Variants in CGNL1 observed in about 807,000 individuals in gnomAD.
The protein encoded by CGNL1 is cingulin like 1, also known as cingulin-like protein 1.
CGNL1 carries 132 observed loss-of-function variants against 141.2 expected under a neutral mutation model. The ratio of observed to expected loss-of-function variants is 0.93; its 90% CI spans 0.81 to 1.08. The LOEUF (loss-of-function observed/expected upper bound fraction) is 1.08, where lower values mean the gene tolerates loss of function less well. CGNL1 is among the 50% of genes least tolerant of loss of function. The pLI, the probability that CGNL1 is intolerant of heterozygous loss-of-function variation, is 0.00. For missense variants in CGNL1, 1,870 were observed against 1,588.6 expected, an observed-to-expected ratio of 1.18 and a Z score of -3.01; for synonymous variants, 690 against 622.1, an observed-to-expected ratio of 1.11 and a Z score of -1.63.
At position 57,547,398 on chromosome 15, in the gene CGNL1, G is replaced by T; in HGVS notation, c.3817G>T (p.Asp1273Tyr). Residue 1273 changes from aspartate (D) to tyrosine (Y), a missense_variant, in exon 19 of 19, where the codon GAC becomes TAC. Transcript: ENST00000281282. ...TAAAGTGCTGGATGACATGGATGAC[G>T]ACGATGACCTCAGCACGGATGGGGG... The part of the protein sequence containing the change: ...PSKVLDDMDD[D>Y]DDLSTDGGSL... 3 of 1,614,202 alleles carry T rather than the reference G, an allele frequency of 1.9e-6. No homozygotes were observed. Among genetic ancestry groups the T allele is most frequent in the Non-Finnish European group, 2.5e-6 (3 of 1,180,006 alleles).
intron 14 of CGNL1, among the ~76,000 whole-genome samples, chr15:57,542,685 T>C (rs2032630953): frequency 1.3e-5 from 2 of 152,220 alleles, no homozygotes; most frequent in South Asian, 4.1e-4. Context: ...AAGCCGCTTC[T>C]GGAGTTTGAG....
At chr15:57,507,980 A>G (rs1237902147) in intron 8 of CGNL1, among the ~76,000 whole-genome samples, 1 of 152,226 alleles carries the variant, frequency 6.6e-6, no homozygotes, top group African/African-American at 2.4e-5. Context: ...GTCATCATAC[A>G]TGAATTGTTA....
intron 3 of CGNL1, 137 bp from the exon 4 acceptor site, chr15:57,442,236 G>A (rs1693077341): frequency 3.3e-6 from 1 of 301,678 alleles, no homozygotes; most frequent in Non-Finnish European, 6.2e-6. Context: ...CACTGATTTT[G>A]TCTGAGGCTT....
chr15:57,506,152 C>T (rs576299421), intron 8 of CGNL1, among the ~76,000 whole-genome samples: 5 of 152,316 alleles, frequency 3.3e-5, no homozygotes, highest in Admixed American at 6.5e-5. Flanking sequence ...TCTGTGACAG[C>T]GACTCTAACT....
At chr15:57,384,253 G>T (rs1433946043) in intron 1 of CGNL1, among the ~76,000 whole-genome samples, 33 of 152,134 alleles carry the variant, frequency 2.2e-4, no homozygotes. Context: ...AAGAGGGAGA[G>T]AGTTGCCAGA....
chr15:57,475,740 C>G (rs1221198226), intron 8 of CGNL1, among the ~76,000 whole-genome samples: 1 of 152,124 alleles, frequency 6.6e-6, no homozygotes, highest in Non-Finnish European at 1.5e-5. Context: ...GTCCTGTGCT[C>G]TCTCACTGGA....
At chr15:57,379,641 G>A (rs1002387128) in intron 1 of CGNL1, among the ~76,000 whole-genome samples, 3 of 151,992 alleles carry the variant, frequency 2.0e-5, no homozygotes, top group East Asian at 1.9e-4. Context: ...TTCTGATCTC[G>A]GCACTAAAGG....
chr15:57,517,316 G>T (rs1254676533), intron 9 of CGNL1, among the ~76,000 whole-genome samples: 1 of 152,156 alleles, frequency 6.6e-6, no homozygotes, highest in Admixed American at 6.5e-5. Context: ...CCATTAGACC[G>T]ATTCTCACTC....
chr15:57,514,383 C>T (rs1216668455), intron 8 of CGNL1, among the ~76,000 whole-genome samples: 2 of 152,162 alleles, frequency 1.3e-5, no homozygotes, highest in Non-Finnish European at 2.9e-5. Flanking sequence ...AACTTCTGAC[C>T]ACAAGTGATC....
intron 1 of CGNL1, among the ~76,000 whole-genome samples, chr15:57,408,409 G>T (rs1392191936): frequency 6.6e-6 from 1 of 152,122 alleles, no homozygotes; most frequent in African/African-American, 2.4e-5. Context: ...CTGCCCAGGT[G>T]AGCCTTTTGG....
chr15:57,516,758 A>C, intron 8 of CGNL1, 22 bp from the exon 9 acceptor site: 3 of 1,611,824 alleles, frequency 1.9e-6, no homozygotes, highest in Non-Finnish European at 2.5e-6. Flanking sequence ...CTCCTTGTTC[A>C]TTTGCTTTGT....
Position 57,439,512 on chromosome 15 carries a change from A to G in CGNL1, c.1513A>G (p.Met505Val). The G allele has an allele frequency of 6.2e-7, 1 of 1,614,238 alleles. No homozygotes were observed. The highest frequency in any genetic ancestry group is 8.5e-7 in the Non-Finnish European group (1 of 1,180,032). The stretch of plus-strand genomic sequence containing the variant: ...GGTGAAAACAGCCACCGCTACGCTG[A>G]TGTTACAGAACCGGGCAACAGCAAC... The part of the protein sequence containing the change: ...EEVKTATATL[M>V]LQNRATATSP... The change falls in exon 2 of 19, where the codon ATG (methionine) becomes GTG (valine). Residue 505 changes from methionine to valine, a missense_variant. By Grantham distance (21) the Met-to-Val change is conservative (BLOSUM62 1). Transcript: ENST00000281282.
chr15:57,501,528 C>T (rs1197489259), intron 8 of CGNL1, among the ~76,000 whole-genome samples: 1 of 152,186 alleles, frequency 6.6e-6, no homozygotes, highest in Non-Finnish European at 1.5e-5. Context: ...TCCAGTTCCC[C>T]AGGCATAGCC....
chr15:57,542,244 G>A (rs1252296781), intron 14 of CGNL1, among the ~76,000 whole-genome samples: 2 of 152,230 alleles, frequency 1.3e-5, no homozygotes, highest in African/African-American at 4.8e-5. Flanking sequence ...GCCTGTGTCA[G>A]ATGCTCTCCA....
intron 8 of CGNL1, among the ~76,000 whole-genome samples, chr15:57,483,291 T>G (rs1285711805): frequency 2.6e-5 from 4 of 152,236 alleles, no homozygotes; most frequent in Non-Finnish European, 1.5e-5. Flanking sequence ...TGTGCTAAAC[T>G]TATACCTAAG....
rs748369364 is a variant in CGNL1 at position 57,452,212 on chromosome 15, C to T, written c.1977C>T (p.Asn659=). ...ANLEELRSQH[N]EKVEENSTLQ... ...TAGAAGAGCTCCGAAGCCAACACAA[C>T]GAAAAGGTGGAGGAGAACTCCACAT... Residue 659 remains asparagine, a synonymous_variant, in exon 6 of 19, where the codon AAC becomes AAT. Transcript: ENST00000281282. 9.9e-6 allele frequency: 16 copies of T among 1,613,714 alleles called. No homozygotes were observed. Among genetic ancestry groups the T allele is most frequent in the African/African-American group, 4.0e-5 (3 of 74,846 alleles).
intron 1 of CGNL1, among the ~76,000 whole-genome samples, chr15:57,420,375 A>G (rs1271335929): frequency 4.6e-5 from 7 of 152,314 alleles, no homozygotes; most frequent in Middle Eastern, 3.4e-3. Flanking sequence ...CCTATATGTA[A>G]CCATCTACAA....
chr15:57,541,909 C>T (rs2032585058), intron 14 of CGNL1, among the ~76,000 whole-genome samples: 1 of 152,220 alleles, frequency 6.6e-6, no homozygotes, highest in South Asian at 2.1e-4. Flanking sequence ...TACCCCCTCA[C>T]CTAGGGGCAG....
At chr15:57,536,268 C>T (rs557607594) in intron 14 of CGNL1, among the ~76,000 whole-genome samples, 215 of 152,272 alleles carry the variant, frequency 1.4e-3, no homozygotes, top group African/African-American at 4.9e-3. Flanking sequence ...TCCCACAACA[C>T]GTGGGGATTA....
Sources: allele counts gnomAD v4.1 joint callset (sites outside exome capture counted in the v4.1 genomes callset), GRCh38; gene constraint gnomAD v4.1.1; transcripts MANE v1.5; gene names NCBI Gene and HGNC (gene_info 2026-07-23, HGNC 2026-07-21).